The following THSD7B variants were observed in gnomAD, a reference collection of about 807,000 sequenced individuals.
THSD7B encodes the protein thrombospondin type 1 domain containing 7B, also known as thrombospondin type-1 domain-containing protein 7B.
THSD7B carries 138 observed loss-of-function variants against 213.6 expected under a neutral mutation model. That is an observed-to-expected ratio of 0.65 (90% CI 0.56 to 0.74). THSD7B has a LOEUF of 0.74. Ranked by LOEUF, THSD7B falls within the 30% of genes least tolerant of loss-of-function variation. The probability of loss-of-function intolerance (pLI) is 0.00; values close to 1 mark genes in which losing one functional copy is unlikely to be tolerated. For missense variants in THSD7B, 1,931 were observed against 1,991.5 expected (o/e 0.97, Z 0.58); for synonymous variants, 742 against 687.0 (o/e 1.08, Z -1.25).
chr2:137,022,311 G>A (rs1002435634), intron 2 of THSD7B, among the ~76,000 whole-genome samples: 2 of 152,048 alleles, frequency 1.3e-5, no homozygotes, highest in African/African-American at 2.4e-5. Context: ...AGTAATGTAC[G>A]AATGAGTCAG....
In THSD7B at chr2:136,840,216, T is replaced by C. The variant is rs1344017174; in HGVS notation, c.-35-41928T>C. On this transcript the variant is annotated intron_variant, in intron 1 of 27. Coordinates refer to ENST00000409968, the MANE Select transcript of THSD7B (RefSeq NM_001316349.2). ...CAACATGGTGAAATCCTGTGTCTAC[T>C]AAAAATACAAAAATTAGCCAGGAGT... Among the ~76,000 whole-genome samples, 4 of 151,896 alleles carry C rather than the reference T, an allele frequency of 2.6e-5. No individual in the cohort carries two copies. The East Asian group carries it at 7.8e-4, about 29-fold the overall frequency.
chr2:136,832,652 T>C (rs1450498104), intron 1 of THSD7B, among the ~76,000 whole-genome samples: 1 of 152,188 alleles, frequency 6.6e-6, no homozygotes, highest in Non-Finnish European at 1.5e-5. Flanking sequence ...GTGGTCCTCA[T>C]CACTTTGCCA....
At chr2:136,860,787 A>C (rs1389843860) in intron 1 of THSD7B, among the ~76,000 whole-genome samples, 1 of 152,220 alleles carries the variant, frequency 6.6e-6, no homozygotes, top group African/African-American at 2.4e-5. Flanking sequence ...GTTCTGTTCA[A>C]AATACTCCAG....
At chr2:137,605,193 T>G (rs879750554) in intron 17 of THSD7B, among the ~76,000 whole-genome samples, 3 of 152,190 alleles carry the variant, frequency 2.0e-5, no homozygotes, top group Admixed American at 2.0e-4. Context: ...AAGTACATAG[T>G]GATGCTGAGT....
At chr2:136,840,225 A>G (rs1213592675) in intron 1 of THSD7B, among the ~76,000 whole-genome samples, 2 of 152,044 alleles carry the variant, frequency 1.3e-5, no homozygotes, top group Non-Finnish European at 2.9e-5. Context: ...CTAAAAATAC[A>G]AAAATTAGCC....
chr2:136,774,776 T>A (rs1234734713), intron 1 of THSD7B, among the ~76,000 whole-genome samples: 2 of 152,138 alleles, frequency 1.3e-5, no homozygotes, highest in Non-Finnish European at 2.9e-5. Context: ...GATTATTAGA[T>A]GTTTCCGTTG....
intron 17 of THSD7B, among the ~76,000 whole-genome samples, chr2:137,601,313 T>C (rs1682072041): frequency 6.6e-6 from 1 of 152,224 alleles, no homozygotes; most frequent in Non-Finnish European, 1.5e-5. Flanking sequence ...CTTCCAGTCC[T>C]GCAGGCTCCA....
rs188778249 is a variant in THSD7B, at chr2:136,980,525, C to T, written c.140-75895C>T. On this transcript the variant is annotated intron_variant, in intron 2 of 27. Transcript: ENST00000409968. ...GGTCCCACCTAAAGAAGCCCGGCCA[C>T]GATCTGTCACAGCTGCTGTGCTGCA... is the stretch of plus-strand genomic sequence containing the variant. Among the ~76,000 whole-genome samples, 5 of 152,268 alleles carry T rather than the reference C, an allele frequency of 3.3e-5. No homozygotes were observed. The South Asian group carries it at 6.2e-4, about 19-fold the overall frequency.
intron 27 of THSD7B, among the ~76,000 whole-genome samples, chr2:137,674,127 A>C (rs1361283294): frequency 6.6e-6 from 1 of 152,132 alleles, no homozygotes; most frequent in Admixed American, 6.6e-5. Context: ...CTTTATAGAG[A>C]TATGACCACC....
intron 4 of THSD7B, among the ~76,000 whole-genome samples, chr2:137,095,732 G>A (rs764021404): frequency 1.3e-5 from 2 of 152,066 alleles, no homozygotes; most frequent in African/African-American, 2.4e-5. Context: ...AAAAACTCTT[G>A]TTGCCCAGGG....
chr2:137,667,746 C>T (rs927847797), intron 26 of THSD7B, 28 bp from the exon 27 acceptor site: 4 of 1,566,816 alleles, frequency 2.6e-6, no homozygotes, highest in Admixed American at 3.7e-5. Context: ...GTATGCTAAG[C>T]TTCTTATGTT....
intron 15 of THSD7B, among the ~76,000 whole-genome samples, chr2:137,561,153 C>G (rs1681109557): frequency 6.6e-6 from 1 of 152,162 alleles, no homozygotes; most frequent in Non-Finnish European, 1.5e-5. Flanking sequence ...CTTCCAATAG[C>G]TTGACATTGC....
chr2:137,514,803 C>T (rs945044201), intron 15 of THSD7B, among the ~76,000 whole-genome samples: 6 of 152,102 alleles, frequency 3.9e-5, no homozygotes, highest in East Asian at 1.9e-4. Context: ...ATTCACCACT[C>T]GTGAGAGTCA....
intron 4 of THSD7B, among the ~76,000 whole-genome samples, chr2:137,098,409 T>G (rs1688079935): frequency 6.6e-6 from 1 of 152,266 alleles, no homozygotes; most frequent in Non-Finnish European, 1.5e-5. Context: ...GGAACCTAAA[T>G]TTTAGTGAAA....
rs150807096 is a variant in THSD7B, at chr2:137,492,895, G to A, written c.3138+41872G>A. Among the ~76,000 whole-genome samples the A allele has an allele frequency of 6.8e-3, 1,036 of 152,034 alleles. 8 individuals carry two copies. Among genetic ancestry groups the A allele is most frequent in the African/African-American group, 0.024 (980 of 41,472 alleles). On this transcript the variant is annotated intron_variant, in intron 15 of 27. Coordinates refer to ENST00000409968, the MANE Select transcript of THSD7B (RefSeq NM_001316349.2). ...CCAGCACTTTGGGAGGCCGACATGGGTATTACCTGAGGTCAGAGATTCAAG... is the reference window on the plus strand; with the variant it reads ...CCAGCACTTTGGGAGGCCGACATGGATATTACCTGAGGTCAGAGATTCAAG...
intron 15 of THSD7B, among the ~76,000 whole-genome samples, chr2:137,562,755 C>T (rs916840932): frequency 3.9e-5 from 6 of 151,968 alleles, no homozygotes; most frequent in Admixed American, 2.0e-4. Context: ...AAAGAAATTT[C>T]CGGTACAAAT....
intron 17 of THSD7B, among the ~76,000 whole-genome samples, chr2:137,580,999 T>C (rs905592745): frequency 6.6e-6 from 1 of 152,098 alleles, no homozygotes; most frequent in African/African-American, 2.4e-5. Flanking sequence ...GAGATTTGGG[T>C]GGGGATAAAT....
intron 2 of THSD7B, among the ~76,000 whole-genome samples, chr2:136,987,677 C>T (rs1363379981): frequency 5.3e-5 from 8 of 152,168 alleles, no homozygotes; most frequent in Admixed American, 5.2e-4. Context: ...CATAACTTTG[C>T]TTGGATTATC....
intron 14 of THSD7B, among the ~76,000 whole-genome samples, chr2:137,416,335 T>A (rs55717472): frequency 0.084 from 12,860 of 152,238 alleles, 1,160 homozygotes; most frequent in African/African-American, 0.22. Context: ...TCCATGAGGA[T>A]GTACTTCACC....
Sources: gnomAD v4.1 joint callset for allele counts (sites outside exome capture counted in the v4.1 genomes callset) on GRCh38, gnomAD v4.1.1 for gene constraint, MANE v1.5 for transcripts, NCBI Gene and HGNC (gene_info 2026-07-23, HGNC 2026-07-21) for gene names.